Variants in ATOSA observed in about 807,000 individuals in gnomAD.
ATOSA encodes atos homolog protein A.
At chr15:52,584,864 C>T in the ATOSA span, 2 of 1,613,334 alleles carry the variant, frequency 1.2e-6, no homozygotes, top group African/African-American at 2.7e-5. Flanking sequence ...GTAGGAATGT[C>T]TGATGATTGG....
At chr15:52,594,488 T>A in the ATOSA span, among the ~76,000 whole-genome samples, 1 of 152,336 alleles carries the variant, frequency 6.6e-6, no homozygotes, top group South Asian at 2.1e-4. Context: ...TGAGTAGCAT[T>A]CCTTTGATTA....
chr15:52,703,072 C>T, the ATOSA span, among the ~76,000 whole-genome samples: 2 of 152,028 alleles, frequency 1.3e-5, no homozygotes, highest in South Asian at 2.1e-4. Context: ...TACTATTCAG[C>T]GATAAAAACA....
the ATOSA span, among the ~76,000 whole-genome samples, chr15:52,612,874 T>A: frequency 6.6e-6 from 1 of 151,320 alleles, no homozygotes; most frequent in African/African-American, 2.4e-5. Context: ...GGGAGAAAAA[T>A]TCTTAAAGCA....
At chr15:52,624,274 C>T in the ATOSA span, among the ~76,000 whole-genome samples, 13 of 152,284 alleles carry the variant, frequency 8.5e-5, no homozygotes, top group South Asian at 1.0e-3. Flanking sequence ...TGACTTCCTC[C>T]TCTCCTTTCC....
chr15:52,596,786 T>G, the ATOSA span, among the ~76,000 whole-genome samples: 1 of 152,344 alleles, frequency 6.6e-6, no homozygotes, highest in Admixed American at 6.5e-5. Flanking sequence ...AATGTTTTTT[T>G]AGATTCAACA....
At chr15:52,653,495 G>A in the ATOSA span, among the ~76,000 whole-genome samples, 1 of 152,108 alleles carries the variant, frequency 6.6e-6, no homozygotes, top group Non-Finnish European at 1.5e-5. Flanking sequence ...ATAACAAGAC[G>A]TGCTTGGAAA....
At chr15:52,614,495 T>G in the ATOSA span, among the ~76,000 whole-genome samples, 20 of 151,892 alleles carry the variant, frequency 1.3e-4, no homozygotes, top group Non-Finnish European at 2.6e-4. Context: ...ATTCAGAGAG[T>G]AAGACAAAAA....
the ATOSA span, among the ~76,000 whole-genome samples, chr15:52,689,677 A>C: frequency 0.17 from 25,957 of 152,096 alleles, 2,626 homozygotes; most frequent in African/African-American, 0.28. Context: ...AACCCTCTAT[A>C]GGCTGGCAAG....
chr15:52,637,676 A>T, the ATOSA span, among the ~76,000 whole-genome samples: 1 of 152,170 alleles, frequency 6.6e-6, no homozygotes, highest in Non-Finnish European at 1.5e-5. Context: ...TATTGGATTA[A>T]ATCTCCATAA....
the ATOSA span, chr15:52,658,549 T>C: frequency 4.9e-5 from 19 of 386,446 alleles, no homozygotes; most frequent in Non-Finnish European, 1.4e-5. Context: ...AGTGCCTCAA[T>C]TGAAGCTCGC....
chr15:52,630,018 CG>C, the ATOSA span, among the ~76,000 whole-genome samples: 2 of 151,964 alleles, frequency 1.3e-5, no homozygotes, highest in Admixed American at 6.6e-5. Flanking sequence ...TAGGGCAGGA[CG>C]TTGGTGGTGG....
At chr15:52,668,105 G>C in the ATOSA span, among the ~76,000 whole-genome samples, 1 of 152,164 alleles carries the variant, frequency 6.6e-6, no homozygotes, top group Non-Finnish European at 1.5e-5. Flanking sequence ...AGAGATATCT[G>C]TACTCCCATA....
the ATOSA span, among the ~76,000 whole-genome samples, chr15:52,661,930 C>CT: frequency 1.2e-4 from 1 of 8,662 alleles, no homozygotes; most frequent in Non-Finnish European, 3.5e-4. Context: ...ACAAGCCAGG[C>CT]CAAAAAAAAA....
At chr15:52,618,900 T>C in the ATOSA span, among the ~76,000 whole-genome samples, 1 of 152,160 alleles carries the variant, frequency 6.6e-6, no homozygotes, top group Non-Finnish European at 1.5e-5. Flanking sequence ...TTGGTCATTG[T>C]CTCTGTGGGA....
the ATOSA span, among the ~76,000 whole-genome samples, chr15:52,627,029 CTT>C: frequency 2.0e-5 from 3 of 152,156 alleles, no homozygotes; most frequent in African/African-American, 7.2e-5. Flanking sequence ...CCGGAATGCT[CTT>C]TGTTTCTCTG....
the ATOSA span, among the ~76,000 whole-genome samples, chr15:52,696,700 T>C: frequency 6.6e-6 from 1 of 152,302 alleles, no homozygotes; most frequent in African/African-American, 2.4e-5. Context: ...GTATCATTTA[T>C]ATGCATTACC....
chr15:52,646,696 G>A, the ATOSA span, among the ~76,000 whole-genome samples: 1 of 152,266 alleles, frequency 6.6e-6, no homozygotes, highest in Non-Finnish European at 1.5e-5. Context: ...GTTGCATCCA[G>A]TCTGTTTTAA....
chr15:52,671,483 C>T, the ATOSA span, among the ~76,000 whole-genome samples: 1 of 152,118 alleles, frequency 6.6e-6, no homozygotes, highest in Non-Finnish European at 1.5e-5. Context: ...CTACCATGTA[C>T]AAGACTGCCT....
the ATOSA span, among the ~76,000 whole-genome samples, chr15:52,661,916 T>C: frequency 9.0e-6 from 1 of 110,884 alleles, no homozygotes; most frequent in Non-Finnish European, 1.7e-5. Flanking sequence ...CCAGCAGAAA[T>C]CTTACAAGCC....
Sources: gnomAD v4.1 joint callset for allele counts (sites outside exome capture counted in the v4.1 genomes callset) on GRCh38, gnomAD v4.1.1 for gene constraint, MANE v1.5 for transcripts, NCBI Gene and HGNC (gene_info 2026-07-23, HGNC 2026-07-21) for gene names.